SCAPER: variants seen among roughly 807,000 people sequenced by gnomAD.
The protein encoded by SCAPER is S phase cyclin A-associated protein in the endoplasmic reticulum.
A neutral mutation model predicts 182.2 loss-of-function variants in SCAPER; 98 were observed. The observed-to-expected ratio is 0.54, with a 90% CI of 0.46 to 0.64. SCAPER has a LOEUF of 0.64. SCAPER is among the 30% of genes least tolerant of loss of function. The pLI is 0.00. For synonymous variants in SCAPER, 605 were observed against 564.6 expected (o/e 1.07, Z -1.01); for missense variants, 1,432 against 1,690.0 (o/e 0.85, Z 2.68).
intron 24 of SCAPER, among the ~76,000 whole-genome samples, chr15:76,476,497 T>C (rs1264749085): frequency 6.6e-6 from 1 of 151,632 alleles, no homozygotes; most frequent in East Asian, 1.9e-4. Flanking sequence ...GGCATGATCA[T>C]AGCTCAATGC....
At chr15:76,580,930 A>G (rs971318174) in intron 22 of SCAPER, among the ~76,000 whole-genome samples, 1 of 152,140 alleles carries the variant, frequency 6.6e-6, no homozygotes, top group Non-Finnish European at 1.5e-5. Context: ...GAAGAAAAGG[A>G]CCCAAACAAA....
At position 76,756,243 on chromosome 15, in the gene SCAPER, C is replaced by CAAAA. The variant is rs34158299; in HGVS notation, c.1726-2299_1726-2296dup. On this transcript the variant is annotated intron_variant, in intron 14 of 31. Transcript: ENST00000563290. The stretch of plus-strand genomic sequence containing the variant: ...TGGGCGACAGAGCCAGACTCCGTCT[C>CAAAA]AAAAAAAAAAAAAAAAAAAAAAAAT... 2.2e-3 allele frequency among the ~76,000 whole-genome samples: 141 copies of CAAAA among 65,318 alleles called. 2 individuals carry two copies. The highest frequency in any genetic ancestry group is 2.1e-3 in the Non-Finnish European group (79 of 37,166). The allele number at this position is 65,318 out of a possible 152,430, so 42.9% of individuals were successfully genotyped here.
chr15:76,482,937 G>A (rs1226548499), intron 24 of SCAPER, among the ~76,000 whole-genome samples: 1 of 152,056 alleles, frequency 6.6e-6, no homozygotes, highest in Non-Finnish European at 1.5e-5. Context: ...TTCCTGACTT[G>A]ATCAATGCAA....
chr15:76,728,033 T>C (rs1411478839), intron 17 of SCAPER, among the ~76,000 whole-genome samples: 2 of 152,086 alleles, frequency 1.3e-5, no homozygotes, highest in African/African-American at 4.8e-5. Flanking sequence ...CCAACTTCGC[T>C]ATAATTCAGA....
intron 22 of SCAPER, among the ~76,000 whole-genome samples, chr15:76,578,192 C>T (rs992441708): frequency 1.3e-5 from 2 of 152,082 alleles, no homozygotes; most frequent in African/African-American, 4.8e-5. Flanking sequence ...CAGTAGAACA[C>T]AGCACCAGGT....
intron 15 of SCAPER, among the ~76,000 whole-genome samples, chr15:76,747,096 T>A (rs528704134): frequency 6.6e-6 from 1 of 152,198 alleles, no homozygotes; most frequent in Non-Finnish European, 1.5e-5. Flanking sequence ...GACTCACTGT[T>A]CCCATTTCAA....
intron 5 of SCAPER, among the ~76,000 whole-genome samples, chr15:76,816,997 G>A (rs2067140720): frequency 6.6e-6 from 1 of 152,150 alleles, no homozygotes; most frequent in African/African-American, 2.4e-5. Flanking sequence ...ACTGTGTACT[G>A]TACACAACTG....
At chr15:76,719,784 G>A (rs1036586467) in intron 17 of SCAPER, among the ~76,000 whole-genome samples, 2 of 151,818 alleles carry the variant, frequency 1.3e-5, no homozygotes, top group African/African-American at 4.8e-5. Flanking sequence ...AAGGCATAAA[G>A]ATGAGGAAAA....
intron 21 of SCAPER, among the ~76,000 whole-genome samples, chr15:76,633,559 C>A (rs1171949734): frequency 1.3e-5 from 2 of 152,208 alleles, no homozygotes; most frequent in Non-Finnish European, 2.9e-5. Flanking sequence ...ATACTGCAGG[C>A]ACCCCTCCTC....
intron 29 of SCAPER, among the ~76,000 whole-genome samples, chr15:76,369,763 C>T (rs1327628372): frequency 6.6e-6 from 1 of 152,202 alleles, no homozygotes; most frequent in African/African-American, 2.4e-5. Flanking sequence ...TAGAAAACTT[C>T]CCAACTCTAT....
chr15:76,768,503 G>A (rs1280674849), intron 10 of SCAPER, among the ~76,000 whole-genome samples: 1 of 152,170 alleles, frequency 6.6e-6, no homozygotes, highest in African/African-American at 2.4e-5. Context: ...TATATAGAGA[G>A]AAAGCAGTGC....
rs1299946389 is a variant in SCAPER at position 76,537,852 on chromosome 15, C to G, written c.2839-32878G>C. ...AGGGCTAATATCCAGAATCTACAAT[C>G]AACTCAAACAAATTTACGAGAAAAA... On this transcript the variant is annotated intron_variant, in intron 23 of 31. Coordinates refer to ENST00000563290, the MANE Select transcript of SCAPER (RefSeq NM_020843.4). Among the ~76,000 whole-genome samples the G allele has an allele frequency of 5.3e-5, 8 of 152,164 alleles. No homozygotes were observed. In the East Asian group the frequency reaches 5.8e-4, roughly 11 times the overall value.
intron 4 of SCAPER, among the ~76,000 whole-genome samples, chr15:76,855,644 T>C (rs1050740060): frequency 2.0e-5 from 3 of 152,098 alleles, no homozygotes; most frequent in Non-Finnish European, 4.4e-5. Flanking sequence ...AAGTCATACA[T>C]GCAGCCGATA....
chr15:76,489,961 C>A (rs1314589986), intron 24 of SCAPER, among the ~76,000 whole-genome samples: 1 of 152,166 alleles, frequency 6.6e-6, no homozygotes, highest in African/African-American at 2.4e-5. Flanking sequence ...CATTATGTCA[C>A]ATATTGCAGG....
chr15:76,570,516 G>A (rs968181840), intron 23 of SCAPER, among the ~76,000 whole-genome samples: 7 of 149,550 alleles, frequency 4.7e-5, no homozygotes, highest in Middle Eastern at 3.5e-3. Flanking sequence ...ATCAGTGGAA[G>A]GACAGTTCTG....
At chr15:76,724,495 C>T (rs1677978088) in intron 17 of SCAPER, among the ~76,000 whole-genome samples, 2 of 152,164 alleles carry the variant, frequency 1.3e-5, no homozygotes, top group African/African-American at 2.4e-5. Flanking sequence ...TGGGGAAGTT[C>T]TGCTGGATAA....
intron 26 of SCAPER, among the ~76,000 whole-genome samples, chr15:76,421,107 A>G (rs1212951929): frequency 6.6e-6 from 1 of 152,240 alleles, no homozygotes; most frequent in Non-Finnish European, 1.5e-5. Context: ...TTATAGCAGC[A>G]TGATTTATAA....
At chr15:76,876,019 A>G (rs1291197081) in intron 2 of SCAPER, among the ~76,000 whole-genome samples, 2 of 152,162 alleles carry the variant, frequency 1.3e-5, no homozygotes, top group African/African-American at 4.8e-5. Context: ...GCGCAGCGCC[A>G]GTCGGCCGGC....
At chr15:76,701,227 A>T (rs1379294138) in intron 20 of SCAPER, among the ~76,000 whole-genome samples, 1 of 152,200 alleles carries the variant, frequency 6.6e-6, no homozygotes, top group African/African-American at 2.4e-5. Context: ...GAGTAGTTTT[A>T]AAAATTTACT....
Sources: gnomAD v4.1 joint callset for allele counts (sites outside exome capture counted in the v4.1 genomes callset) on GRCh38, gnomAD v4.1.1 for gene constraint, MANE v1.5 for transcripts, NCBI Gene and HGNC (gene_info 2026-07-23, HGNC 2026-07-21) for gene names.